The following PCGF5 variants were observed in gnomAD, a reference collection of about 807,000 sequenced individuals.
The protein encoded by PCGF5 is polycomb group RING finger protein 5.
In PCGF5, 9 loss-of-function variants were observed where a neutral mutation model predicts 44.3. The observed-to-expected ratio is 0.20, with a 90% CI of 0.12 to 0.35. The LOEUF (loss-of-function observed/expected upper bound fraction) is 0.35, where lower values mean the gene tolerates loss of function less well. Among genes scored for constraint, PCGF5 ranks in the 10% least tolerant of loss-of-function variants. The pLI, the probability that PCGF5 is intolerant of heterozygous loss-of-function variation, is 1.00. For synonymous variants in PCGF5, 95 were observed against 102.5 expected, an observed-to-expected ratio of 0.93 and a Z score of 0.44; for missense variants, 146 against 305.3, an observed-to-expected ratio of 0.48 and a Z score of 3.89.
chr10:91,184,117 G>A (rs1843873475), intron 1 of PCGF5, among the ~76,000 whole-genome samples: 1 of 152,132 alleles, frequency 6.6e-6, no homozygotes, highest in African/African-American at 2.4e-5. Context: ...GTCTAGCTAG[G>A]TTGGGTACAT....
chr10:91,170,222 T>C (rs547823191), intron 1 of PCGF5, among the ~76,000 whole-genome samples: 17 of 152,346 alleles, frequency 1.1e-4, no homozygotes, highest in African/African-American at 3.8e-4. Flanking sequence ...TGGTGATGAC[T>C]TTTTAGATAT....
chr10:91,185,056 G>T (rs1843894161), intron 1 of PCGF5, among the ~76,000 whole-genome samples: 1 of 152,196 alleles, frequency 6.6e-6, no homozygotes, highest in African/African-American at 2.4e-5. Flanking sequence ...ACTGTGCTAG[G>T]GGTACCCCCT....
chr10:91,198,573 C>A (rs895502485), intron 1 of PCGF5, among the ~76,000 whole-genome samples: 1 of 152,340 alleles, frequency 6.6e-6, no homozygotes, highest in African/African-American at 2.4e-5. Context: ...CTGGCTTTCT[C>A]TCTAGAAGGC....
intron 6 of PCGF5, among the ~76,000 whole-genome samples, chr10:91,260,744 G>A (rs1845882929): frequency 6.7e-6 from 1 of 149,184 alleles, no homozygotes; most frequent in Non-Finnish European, 1.5e-5. Flanking sequence ...CTCACTCATA[G>A]GTGGGAATTG....
upstream of PCGF5, among the ~76,000 whole-genome samples, chr10:91,162,239 G>C (rs1451331242): frequency 1.3e-5 from 2 of 149,588 alleles, no homozygotes; most frequent in African/African-American, 2.5e-5. Flanking sequence ...ATTAAGGCTC[G>C]AGGCCATGGT....
At chr10:91,227,598 G>A (rs1844880931) in intron 2 of PCGF5, 1 of 1,168,920 alleles carries the variant, frequency 8.6e-7, no homozygotes, top group African/African-American at 1.6e-5. Context: ...CAAAGCCACT[G>A]CAGCACATTC....
At chr10:91,166,856 G>A (rs1843509874) in intron 1 of PCGF5, among the ~76,000 whole-genome samples, 1 of 152,214 alleles carries the variant, frequency 6.6e-6, no homozygotes, top group Admixed American at 6.5e-5. Context: ...TATAATGTGT[G>A]TGGTGTATAA....
At chr10:91,257,246 C>A (rs1347636929) in intron 6 of PCGF5, among the ~76,000 whole-genome samples, 1 of 152,008 alleles carries the variant, frequency 6.6e-6, no homozygotes, top group Non-Finnish European at 1.5e-5. Context: ...CAAATCAAAA[C>A]CACAATGAGA....
rs185341582 is a variant in PCGF5, at chr10:91,196,915, T to C, written c.-183-25774T>C. Among the ~76,000 whole-genome samples the C allele has an allele frequency of 3.2e-4, 48 of 152,316 alleles. No homozygotes were observed. In the East Asian group the frequency reaches 8.7e-3, roughly 28 times the overall value. ...TGGGAATTCACTGGTGGACGAGATA[T>C]AATCCCCACCTCAAGTCTCACAGTC... On this transcript the variant is annotated intron_variant, in intron 1 of 9. Coordinates refer to the PCGF5 transcript ENST00000614189.
intron 1 of PCGF5, among the ~76,000 whole-genome samples, chr10:91,198,635 C>T (rs1844190777): frequency 6.6e-6 from 1 of 152,206 alleles, no homozygotes; most frequent in Admixed American, 6.5e-5. Context: ...CTTCGATCTT[C>T]TTGGGAGTTT....
At chr10:91,252,102 T>C (rs12242548) in intron 6 of PCGF5, among the ~76,000 whole-genome samples, 18,677 of 152,006 alleles carry the variant, frequency 0.12, 2,081 homozygotes, top group African/African-American at 0.29. Flanking sequence ...ACTTTAATAA[T>C]GTTTTCTACC....
upstream of PCGF5, among the ~76,000 whole-genome samples, chr10:91,216,872 A>T (rs1410962974): frequency 2.0e-5 from 3 of 152,218 alleles, no homozygotes; most frequent in Non-Finnish European, 2.9e-5. Context: ...TCATAAAATA[A>T]ATATATGTGG....
At chr10:91,257,899 C>T (rs1368817208) in intron 6 of PCGF5, among the ~76,000 whole-genome samples, 1 of 151,980 alleles carries the variant, frequency 6.6e-6, no homozygotes, top group Non-Finnish European at 1.5e-5. Flanking sequence ...AAAGTGAAAA[C>T]AACCCAAATG....
chr10:91,249,684 G>A (rs187685848), intron 5 of PCGF5, among the ~76,000 whole-genome samples: 11 of 151,612 alleles, frequency 7.3e-5, no homozygotes, highest in African/African-American at 1.4e-4. Flanking sequence ...CATTTTATTC[G>A]TTCAACTTAA....
At chr10:91,191,239 A>G (rs1329517954) in intron 1 of PCGF5, among the ~76,000 whole-genome samples, 1 of 152,236 alleles carries the variant, frequency 6.6e-6, no homozygotes, top group Non-Finnish European at 1.5e-5. Context: ...CACTACTCTT[A>G]TGCTTTGGGG....
intron 3 of PCGF5, among the ~76,000 whole-genome samples, chr10:91,247,368 G>A (rs1185670900): frequency 6.6e-6 from 1 of 152,068 alleles, no homozygotes; most frequent in African/African-American, 2.4e-5. Flanking sequence ...ATTCAGTAGA[G>A]TAAAAGAAGC....
chr10:91,207,551 G>A (rs751327491), intron 1 of PCGF5, among the ~76,000 whole-genome samples: 10 of 152,104 alleles, frequency 6.6e-5, no homozygotes, highest in Non-Finnish European at 1.5e-4. Flanking sequence ...CTATATTCAG[G>A]AAATATGGCA....
intron 1 of PCGF5, among the ~76,000 whole-genome samples, chr10:91,212,009 C>T (rs976872844): frequency 1.3e-5 from 2 of 152,190 alleles, no homozygotes; most frequent in African/African-American, 4.8e-5. Context: ...GTTGCACAAA[C>T]TCTCTGTACC....
intron 1 of PCGF5, among the ~76,000 whole-genome samples, chr10:91,205,467 A>G (rs759863072): frequency 6.6e-6 from 1 of 152,198 alleles, no homozygotes; most frequent in African/African-American, 2.4e-5. Context: ...TCATTCATAA[A>G]CTGAGCCAAG....
Sources: gnomAD v4.1 joint callset for allele counts (sites outside exome capture counted in the v4.1 genomes callset) on GRCh38, gnomAD v4.1.1 for gene constraint, MANE v1.5 for transcripts, NCBI Gene and HGNC (gene_info 2026-07-23, HGNC 2026-07-21) for gene names.